The following EZH1 variants were observed in gnomAD, a reference collection of about 807,000 sequenced individuals.
EZH1 encodes enhancer of zeste 1 polycomb repressive complex 2 subunit, also known as histone-lysine N-methyltransferase EZH1.
Under a neutral mutation model 100.5 loss-of-function variants are expected in EZH1, and 33 were observed. The observed-to-expected ratio is 0.33, with a 90% confidence interval of 0.25 to 0.44. The LOEUF is 0.44. Among genes scored for constraint, EZH1 ranks in the 20% least tolerant of loss-of-function variants. The pLI is 1.00. For synonymous variants in EZH1, 272 were observed against 313.8 expected, an observed-to-expected ratio of 0.87 and a Z score of 1.41; for missense variants, 475 against 928.4, an observed-to-expected ratio of 0.51 and a Z score of 6.35.
intron 6 of EZH1, among the ~76,000 whole-genome samples, chr17:42,722,328 TA>T (rs1171363943): frequency 9.0e-5 from 12 of 132,872 alleles, no homozygotes; most frequent in African/African-American, 8.3e-5. Flanking sequence ...AAAAAAAAAA[TA>T]AAAAAAAAAA....
At chr17:42,704,975 G>T (rs2143711392) in intron 17 of EZH1, 113 bp downstream of exon 17, 1 of 937,180 alleles carries the variant, frequency 1.1e-6, no homozygotes, top group Non-Finnish European at 1.7e-6. Context: ...GGCCACGTGA[G>T]AACACAGCTG....
chr17:42,718,271 A>T lies in EZH1; in HGVS notation c.931+183T>A. 1 of 865,234 alleles carries T rather than the reference A, an allele frequency of 1.2e-6. No individual in the cohort carries two copies. The highest frequency in any genetic ancestry group is 1.8e-6 in the Non-Finnish European group (1 of 570,202). The allele number at this position is 865,234 out of a possible 1,614,324, so 53.6% of individuals were successfully genotyped here. A position where few individuals can be genotyped will look rare whatever the true frequency, so the allele number is the denominator to read the frequency against. ...CTGAGGGACAGATAAGTTGCTAGTT[A>T]GTCTGTCCCTATCATGCAAAGCATG... On this transcript the variant is annotated intron_variant, in intron 9 of 20. Transcript: ENST00000428826. The surrounding 1 kb of genome is among the most constrained non-coding windows in gnomAD (Gnocchi z 4.2).
chr17:42,703,880 C>G, intron 18 of EZH1, 60 bp from the exon 19 acceptor site: 1 of 1,228,018 alleles, frequency 8.1e-7, no homozygotes, highest in Non-Finnish European at 1.2e-6. Context: ...AGCTTCTCAG[C>G]TTGAATTTAA....
chr17:42,730,090 T>C (rs879570463), intron 2 of EZH1, among the ~76,000 whole-genome samples: 1 of 152,010 alleles, frequency 6.6e-6, no homozygotes, highest in Non-Finnish European at 1.5e-5. Context: ...AACAACAAAA[T>C]TTCACATCAG....
intron 10 of EZH1, among the ~76,000 whole-genome samples, chr17:42,717,368 T>C (rs776718207): frequency 2.6e-5 from 4 of 152,212 alleles, no homozygotes; most frequent in Non-Finnish European, 4.4e-5. Context: ...GGTTGTATAA[T>C]ATAATTTTAA....
intron 1 of EZH1, among the ~76,000 whole-genome samples, chr17:42,741,823 G>A (rs1406477207): frequency 6.6e-6 from 1 of 151,432 alleles, no homozygotes; most frequent in Non-Finnish European, 1.5e-5. Context: ...TGAGTAGTTG[G>A]GACTACAGGC....
intron 1 of EZH1, among the ~76,000 whole-genome samples, chr17:42,736,360 T>G (rs983473656): frequency 6.6e-6 from 1 of 152,176 alleles, no homozygotes; most frequent in Non-Finnish European, 1.5e-5. Flanking sequence ...CAAAGATCTG[T>G]ACCCAAATGT....
At chr17:42,722,334 A>G (rs551499595) in intron 6 of EZH1, among the ~76,000 whole-genome samples, 1 of 151,478 alleles carries the variant, frequency 6.6e-6, no homozygotes, top group Admixed American at 6.6e-5. Flanking sequence ...AAAATAAAAA[A>G]AAAAATTGGG....
At chr17:42,725,683 TG>T (rs1371192530) in intron 4 of EZH1, among the ~76,000 whole-genome samples, 1 of 152,172 alleles carries the variant, frequency 6.6e-6, no homozygotes, top group East Asian at 1.9e-4. Context: ...TTGGTCTACC[TG>T]GGTTATACAC....
At chr17:42,713,430 C>A in intron 10 of EZH1, 41 bp from the exon 11 acceptor site, 1 of 1,546,370 alleles carries the variant, frequency 6.5e-7, no homozygotes, top group South Asian at 1.2e-5. Context: ...GGAACAGGCC[C>A]ATCACCATAT....
intron 12 of EZH1, among the ~76,000 whole-genome samples, chr17:42,710,782 C>CTTTTTTTTTTTTT: frequency 9.3e-6 from 1 of 107,574 alleles, no homozygotes; most frequent in Non-Finnish European, 1.9e-5. Flanking sequence ...AGGTACGTGG[C>CTTTTTTTTTTTTT]TTTTTTTTTT....
At chr17:42,720,752 C>G (rs2053690565) in intron 6 of EZH1, among the ~76,000 whole-genome samples, 1 of 152,128 alleles carries the variant, frequency 6.6e-6, no homozygotes, top group Admixed American at 6.6e-5. Flanking sequence ...CTCCACCTCC[C>G]AGGTTCAAGT....
chr17:42,727,730 C>T lies in EZH1; in HGVS notation c.151G>A (p.Glu51Lys), dbSNP rs138789077. The change falls in exon 4 of 21, where the codon GAA becomes AAA. Residue 51 changes from glutamate (E) to lysine (K), a missense_variant. By Grantham distance (56) the Glu-to-Lys change is moderately conservative. Coordinates refer to ENST00000428826, the MANE Select transcript of EZH1 (RefSeq NM_001991.5). Reference protein sequence around the residue: ...LYVANFAKVQEKTQILNEEWK... With the variant: ...LYVANFAKVQKKTQILNEEWK... ...TCTTCATTGAGGATCTGGGTTTTTT[C>T]TTGAACCTTTGCAAAATTTGCCACA... 8 of 1,605,848 alleles carry T rather than the reference C, an allele frequency of 5.0e-6. No homozygotes were observed. The highest frequency in any genetic ancestry group is 1.7e-5 in the Admixed American group (1 of 58,146).
intron 10 of EZH1, among the ~76,000 whole-genome samples, chr17:42,714,123 A>G (rs1452008221): frequency 6.6e-6 from 1 of 152,162 alleles, no homozygotes; most frequent in Admixed American, 6.5e-5. Context: ...TTGTTTCATT[A>G]TTTTACAGCT....
At chr17:42,711,158 A>G (rs1265245263) in intron 12 of EZH1, among the ~76,000 whole-genome samples, 1 of 152,010 alleles carries the variant, frequency 6.6e-6, no homozygotes, top group African/African-American at 2.4e-5. Flanking sequence ...CAACATGGTG[A>G]AACCCCATCT....
chr17:42,710,760 T>C (rs555234566), intron 12 of EZH1, among the ~76,000 whole-genome samples: 40 of 149,524 alleles, frequency 2.7e-4, no homozygotes, highest in Middle Eastern at 3.4e-3. Context: ...GCCTCCTGAG[T>C]ACTAGGACTA....
intron 10 of EZH1, among the ~76,000 whole-genome samples, chr17:42,716,110 GAAACA>G (rs972482966): frequency 6.6e-5 from 10 of 150,672 alleles, no homozygotes; most frequent in Admixed American, 1.3e-4. Context: ...TCCTGGTTTG[GAAACA>G]AAACAAAACA....
intron 7 of EZH1, 22 bp from the exon 8 acceptor site, chr17:42,719,229 G>T (rs762620103): frequency 6.4e-7 from 1 of 1,556,124 alleles, no homozygotes; most frequent in South Asian, 1.1e-5. Flanking sequence ...ATGATAAAAA[G>T]CTCCTGAGTG....
chr17:42,738,445 ATTT>A (rs1341090549), intron 1 of EZH1, among the ~76,000 whole-genome samples: 18 of 151,752 alleles, frequency 1.2e-4, no homozygotes, highest in African/African-American at 3.9e-4. Flanking sequence ...TGTATTTATT[ATTT>A]GTATTTATTA....
Sources: gnomAD v4.1 joint callset for allele counts (sites outside exome capture counted in the v4.1 genomes callset) on GRCh38, gnomAD v4.1.1 for gene constraint, Gnocchi (gnomAD v3.1) non-coding constraint, MANE v1.5 for transcripts, NCBI Gene and HGNC (gene_info 2026-07-23, HGNC 2026-07-21) for gene names.